Variants in SERPINI1 observed in about 807,000 individuals in gnomAD.
The protein encoded by SERPINI1 is neuroserpin.
SERPINI1 carries 19 observed loss-of-function variants against 41.1 expected under a neutral mutation model. The observed-to-expected ratio is 0.46, with a 90% confidence interval of 0.32 to 0.68. The LOEUF is 0.68. Among genes scored for constraint, SERPINI1 ranks in the 30% least tolerant of loss-of-function variants. The pLI is 0.03. For missense variants in SERPINI1, 460 were observed against 479.2 expected, an observed-to-expected ratio of 0.96 and a Z score of 0.37; for synonymous variants, 138 against 156.6, an observed-to-expected ratio of 0.88 and a Z score of 0.89.
chr3:167,754,634 A>G (rs565828352), intron 1 of SERPINI1, among the ~76,000 whole-genome samples: 2 of 152,318 alleles, frequency 1.3e-5, no homozygotes, highest in South Asian at 4.1e-4. Context: ...GTCACTAATC[A>G]GATAAATCCA....
At chr3:167,772,864 C>CTCTCTCTCTCTGTATATATA (rs1374013676) in intron 1 of SERPINI1, among the ~76,000 whole-genome samples, 1 of 24,644 alleles carries the variant, frequency 4.1e-5, no homozygotes, top group African/African-American at 1.9e-4. Context: ...CTCTCTCTCT[C>CTCTCTCTCTCTGTATATATA]TATATATATA....
intron 1 of SERPINI1, among the ~76,000 whole-genome samples, chr3:167,769,414 G>A (rs1370455332): frequency 6.6e-6 from 1 of 152,094 alleles, no homozygotes; most frequent in Non-Finnish European, 1.5e-5. Flanking sequence ...CTGCCCCTCC[G>A]AGTTAACTAT....
intron 5 of SERPINI1, among the ~76,000 whole-genome samples, chr3:167,802,884 C>A (rs1253785997): frequency 1.3e-5 from 2 of 150,278 alleles, no homozygotes; most frequent in Non-Finnish European, 3.0e-5. Flanking sequence ...ACCCAAATGT[C>A]CAACAATGAT....
chr3:167,795,799 T>C (rs1212633695), intron 5 of SERPINI1, among the ~76,000 whole-genome samples: 3 of 152,142 alleles, frequency 2.0e-5, no homozygotes, highest in Non-Finnish European at 4.4e-5. Flanking sequence ...AAAATGAAAC[T>C]GAACTGAAAA....
chr3:167,744,394 G>A (rs556669100), intron 1 of SERPINI1, among the ~76,000 whole-genome samples: 1 of 151,026 alleles, frequency 6.6e-6, no homozygotes, highest in South Asian at 2.1e-4. Context: ...CTCAAATAGG[G>A]ATTTGAAGCT....
At chr3:167,745,672 C>T (rs1725842437) in intron 1 of SERPINI1, among the ~76,000 whole-genome samples, 1 of 151,930 alleles carries the variant, frequency 6.6e-6, no homozygotes, top group Admixed American at 6.6e-5. Context: ...CTAAAGAATC[C>T]ACATGAAAAA....
At chr3:167,814,200 A>T (rs1711992190) in intron 6 of SERPINI1, among the ~76,000 whole-genome samples, 1 of 152,032 alleles carries the variant, frequency 6.6e-6, no homozygotes, top group Non-Finnish European at 1.5e-5. Context: ...TTGTTCTTTT[A>T]TTTGATGTCT....
At chr3:167,825,170 A>G in intron 8 of SERPINI1, 77 bp from the exon 9 acceptor site, 1 of 940,322 alleles carries the variant, frequency 1.1e-6, no homozygotes, top group Non-Finnish European at 1.8e-6. Context: ...TATTTTCATT[A>G]ATTGTAAGCA....
chr3:167,805,552 C>T (rs555045436), intron 5 of SERPINI1, among the ~76,000 whole-genome samples: 1 of 152,226 alleles, frequency 6.6e-6, no homozygotes, highest in East Asian at 1.9e-4. Flanking sequence ...AGTTAGATCC[C>T]ATTTGTCAAT....
At chr3:167,803,929 A>C (rs1296665521) in intron 5 of SERPINI1, among the ~76,000 whole-genome samples, 2 of 152,238 alleles carry the variant, frequency 1.3e-5, no homozygotes, top group Non-Finnish European at 1.5e-5. Flanking sequence ...TATTTAAATT[A>C]ATATCTGTTT....
chr3:167,739,095 GA>G (rs1248122107), intron 1 of SERPINI1, among the ~76,000 whole-genome samples: 10 of 148,650 alleles, frequency 6.7e-5, no homozygotes, highest in Admixed American at 2.0e-4. Context: ...ATAAGGGAGA[GA>G]TTTTTTTGTT....
intron 1 of SERPINI1, among the ~76,000 whole-genome samples, chr3:167,787,807 C>T (rs1190585129): frequency 6.6e-6 from 1 of 152,192 alleles, no homozygotes; most frequent in African/African-American, 2.4e-5. Context: ...TTGCTTCTAA[C>T]ATGAAAATGT....
Position 167,816,252 on chromosome 3 carries a change from C to T in SERPINI1, c.980-6734C>T, listed in dbSNP as rs756940355. ...TTGCCATGTTGCCCAAGCTGGTATC[C>T]GACTCCTGGGCTCAAGCGATCAGCC... is the stretch of plus-strand genomic sequence containing the variant. On this transcript the variant is annotated intron_variant, in intron 6 of 8. Coordinates refer to ENST00000446050, the MANE Select transcript of SERPINI1 (RefSeq NM_001122752.2). Among the ~76,000 whole-genome samples the T allele has an allele frequency of 2.6e-4, 39 of 151,776 alleles. 1 individual carries two copies. The highest frequency in any genetic ancestry group is 4.6e-4 in the Admixed American group (7 of 15,256).
chr3:167,790,418 T>G lies in SERPINI1; in HGVS notation c.297T>G (p.Ala99=), dbSNP rs61761891. The change falls in exon 3 of 9, where the codon GCT becomes GCG. Residue 99 remains alanine (A), a synonymous_variant. Transcript: ENST00000446050. ...FLKEFSNMVT[A]KESQYVMKIA... Reference sequence around the variant, plus strand: ...AGGAGTTTTCAAACATGGTAACTGCTAAAGAGAGCCAATATGTGATGAAAA... The same window carrying G: ...AGGAGTTTTCAAACATGGTAACTGCGAAAGAGAGCCAATATGTGATGAAAA... The G allele has an allele frequency of 5.5e-4, 888 of 1,613,970 alleles. 4 individuals carry two copies. In the African/African-American group the frequency reaches 0.011, roughly 20 times the overall value.
intron 5 of SERPINI1, among the ~76,000 whole-genome samples, chr3:167,800,967 G>A (rs892357764): frequency 3.9e-5 from 6 of 152,130 alleles, no homozygotes; most frequent in African/African-American, 1.4e-4. Flanking sequence ...ACAGGCATGC[G>A]CCACCATGTC....
intron 1 of SERPINI1, among the ~76,000 whole-genome samples, chr3:167,760,414 C>T (rs1439393530): frequency 6.6e-6 from 1 of 151,490 alleles, no homozygotes; most frequent in African/African-American, 2.4e-5. Flanking sequence ...GTTCTGGCAC[C>T]AGGGCAGCAG....
At chr3:167,785,166 C>T (rs1381561138) in intron 1 of SERPINI1, among the ~76,000 whole-genome samples, 1 of 152,124 alleles carries the variant, frequency 6.6e-6, no homozygotes. Context: ...GTCGCTTGAA[C>T]TCGGGAGGTG....
At chr3:167,772,382 A>T (rs910163638) in intron 1 of SERPINI1, among the ~76,000 whole-genome samples, 1 of 152,200 alleles carries the variant, frequency 6.6e-6, no homozygotes, top group Admixed American at 6.5e-5. Context: ...AAGCAATACT[A>T]GAAGTGAGGA....
chr3:167,794,895 A>T, intron 5 of SERPINI1, 71 bp downstream of exon 5: 1 of 1,151,174 alleles, frequency 8.7e-7, no homozygotes, highest in Non-Finnish European at 1.3e-6. Flanking sequence ...GACCCAGAAA[A>T]ACTCTTCGAA....
Sources: gnomAD v4.1 joint callset for allele counts (sites outside exome capture counted in the v4.1 genomes callset) on GRCh38, gnomAD v4.1.1 for gene constraint, MANE v1.5 for transcripts, NCBI Gene and HGNC (gene_info 2026-07-23, HGNC 2026-07-21) for gene names.